DLGAP2: variants seen among roughly 807,000 people sequenced by gnomAD.
The protein encoded by DLGAP2 is disks large-associated protein 2.
In DLGAP2, 26 loss-of-function variants were observed where a neutral mutation model predicts 100.3. That is an observed-to-expected ratio of 0.26 (90% CI 0.19 to 0.36). The LOEUF is 0.36. Ranked by LOEUF, DLGAP2 falls within the 10% of genes least tolerant of loss-of-function variation. The pLI is 1.00. For synonymous variants in DLGAP2, 886 were observed against 630.1 expected (o/e 1.41, Z -6.08); for missense variants, 1,858 against 1,453.2 (o/e 1.28, Z -4.53).
At chr8:1,494,951 A>G (rs553733941) in intron 3 of DLGAP2, among the ~76,000 whole-genome samples, 55 of 152,324 alleles carry the variant, frequency 3.6e-4, no homozygotes, top group African/African-American at 1.3e-3. Context: ...GCGTAATGAC[A>G]GAGTGGTAGG....
chr8:1,431,188 A>G (rs186544494), intron 3 of DLGAP2, among the ~76,000 whole-genome samples: 62 of 152,392 alleles, frequency 4.1e-4, no homozygotes, highest in African/African-American at 1.3e-3. Flanking sequence ...AATGTCTTTC[A>G]TGCCTGTTAC....
At chr8:1,094,071 C>T (rs1402085504) in intron 2 of DLGAP2, among the ~76,000 whole-genome samples, 3 of 150,766 alleles carry the variant, frequency 2.0e-5, no homozygotes, top group African/African-American at 7.3e-5. Flanking sequence ...AGGGCAGCTG[C>T]GAGGTGGGCG....
At chr8:1,233,285 C>T (rs908930292) in intron 2 of DLGAP2, among the ~76,000 whole-genome samples, 5 of 152,198 alleles carry the variant, frequency 3.3e-5, no homozygotes, top group Admixed American at 2.6e-4. Flanking sequence ...ATGCATTCCC[C>T]TACCTTTCAC....
At chr8:1,589,931 C>T (rs147252572) in intron 6 of DLGAP2, among the ~76,000 whole-genome samples, 3 of 152,160 alleles carry the variant, frequency 2.0e-5, no homozygotes, top group Admixed American at 6.5e-5. Flanking sequence ...TAACAAAGTA[C>T]CACACACAGC....
At chr8:1,268,963 T>C (rs537860927) in intron 3 of DLGAP2, among the ~76,000 whole-genome samples, 3 of 152,292 alleles carry the variant, frequency 2.0e-5, no homozygotes, top group Non-Finnish European at 4.4e-5. Context: ...CTGCAGCTGA[T>C]TCTGCAGGTA....
At chr8:1,574,552 G>A (rs1167536441) in intron 6 of DLGAP2, among the ~76,000 whole-genome samples, 1 of 152,206 alleles carries the variant, frequency 6.6e-6, no homozygotes, top group Non-Finnish European at 1.5e-5. Flanking sequence ...GATGAGTCCT[G>A]TGTGTGGTCT....
intron 2 of DLGAP2, among the ~76,000 whole-genome samples, chr8:993,752 C>G (rs1223225257): frequency 6.8e-6 from 1 of 146,364 alleles, no homozygotes; most frequent in Non-Finnish European, 1.5e-5. Context: ...TCTCTAGATG[C>G]AGACTTTAAG....
At chr8:900,890 T>C (rs1325500131) in intron 1 of DLGAP2, among the ~76,000 whole-genome samples, 1 of 152,150 alleles carries the variant, frequency 6.6e-6, no homozygotes, top group Non-Finnish European at 1.5e-5. Flanking sequence ...GACAGCTGAA[T>C]AATAGAAGTT....
intron 1 of DLGAP2, among the ~76,000 whole-genome samples, chr8:907,645 C>G (rs957496895): frequency 6.6e-6 from 1 of 152,124 alleles, no homozygotes; most frequent in African/African-American, 2.4e-5. Flanking sequence ...CCCTGATGGC[C>G]CATTAGGGGC....
chr8:835,714 G>A (rs1796860870), intron 1 of DLGAP2, among the ~76,000 whole-genome samples: 1 of 152,108 alleles, frequency 6.6e-6, no homozygotes, highest in Admixed American at 6.6e-5. Flanking sequence ...GCTAGGCTGC[G>A]TCACCAAATG....
At chr8:1,700,279 T>C (rs922684457) in intron 14 of DLGAP2, among the ~76,000 whole-genome samples, 3 of 152,216 alleles carry the variant, frequency 2.0e-5, no homozygotes, top group Non-Finnish European at 4.4e-5. Context: ...ACTAGATATC[T>C]GCTTAGGAAA....
intron 1 of DLGAP2, among the ~76,000 whole-genome samples, chr8:905,515 T>C (rs1378273909): frequency 2.6e-5 from 4 of 152,090 alleles, no homozygotes; most frequent in African/African-American, 9.6e-5. Context: ...GCAGATGCAA[T>C]TGTGTCATGC....
At chr8:927,381 T>C (rs1157122128) in intron 2 of DLGAP2, among the ~76,000 whole-genome samples, 1 of 152,120 alleles carries the variant, frequency 6.6e-6, no homozygotes, top group Non-Finnish European at 1.5e-5. Flanking sequence ...GTTTAAAACG[T>C]TCTGGTCCCC....
At chr8:1,221,749 G>T (rs921393320) in intron 2 of DLGAP2, among the ~76,000 whole-genome samples, 1 of 152,120 alleles carries the variant, frequency 6.6e-6, no homozygotes, top group African/African-American at 2.4e-5. Context: ...TCATAGGTTT[G>T]CTCTCTTTAC....
intron 3 of DLGAP2, among the ~76,000 whole-genome samples, chr8:1,286,273 C>T (rs1042369890): frequency 2.0e-5 from 3 of 152,206 alleles, no homozygotes; most frequent in Admixed American, 2.0e-4. Flanking sequence ...TTCCTGAGGC[C>T]TCCTCAGCCA....
chr8:1,150,737 T>C (rs1318357597), intron 2 of DLGAP2, among the ~76,000 whole-genome samples: 1 of 152,150 alleles, frequency 6.6e-6, no homozygotes. Context: ...ATAATGGACA[T>C]AGAAGTGAGA....
intron 1 of DLGAP2, among the ~76,000 whole-genome samples, chr8:748,243 T>C (rs1388248698): frequency 5.9e-5 from 8 of 134,730 alleles, no homozygotes; most frequent in Admixed American, 3.7e-4. Flanking sequence ...GATGGGCGGG[T>C]CTGCGGTGGG....
At chr8:1,324,122 G>C (rs776383820) in intron 3 of DLGAP2, among the ~76,000 whole-genome samples, 3 of 152,142 alleles carry the variant, frequency 2.0e-5, no homozygotes, top group African/African-American at 7.2e-5. Context: ...TCCATTGAAG[G>C]GGGAGGAAGA....
chr8:952,087 C>T (rs557288544), intron 2 of DLGAP2, among the ~76,000 whole-genome samples: 15 of 152,312 alleles, frequency 9.8e-5, no homozygotes, highest in African/African-American at 2.9e-4. Flanking sequence ...TTTTCTAGTT[C>T]CATTTTCTCT....
Sources: gnomAD v4.1 joint callset for allele counts (sites outside exome capture counted in the v4.1 genomes callset) on GRCh38, gnomAD v4.1.1 for gene constraint, MANE v1.5 for transcripts, NCBI Gene and HGNC (gene_info 2026-07-23, HGNC 2026-07-21) for gene names.